SAR1B: variants seen among roughly 807,000 people sequenced by gnomAD.
SAR1B encodes small COPII coat GTPase SAR1B.
Under a neutral mutation model 26.8 loss-of-function variants are expected in SAR1B, and 23 were observed. The ratio of observed to expected loss-of-function variants is 0.86; its 90% CI spans 0.62 to 1.22. SAR1B has a LOEUF of 1.22. SAR1B is among the 50% of genes most tolerant of loss of function. The probability of loss-of-function intolerance (pLI) is 0.00; values close to 1 mark genes in which losing one functional copy is unlikely to be tolerated. For synonymous variants in SAR1B, 65 were observed against 80.8 expected (o/e 0.80, Z 1.05); for missense variants, 196 against 232.8 (o/e 0.84, Z 1.03).
intron 1 of SAR1B, among the ~76,000 whole-genome samples, chr5:134,627,142 C>T (rs539846749): frequency 2.0e-5 from 3 of 152,094 alleles, no homozygotes; most frequent in Admixed American, 1.3e-4. Flanking sequence ...AGCTCCACCT[C>T]CCAGGTTCAC....
At position 134,604,897 on chromosome 5, in the gene SAR1B, G is replaced by A. The variant is rs1168902780; in HGVS notation, c.*2053C>T. 6.6e-6 allele frequency: 1 copy of A among 152,134 alleles called. No individual in the cohort carries two copies. The highest frequency in any genetic ancestry group is 1.5e-5 in the Non-Finnish European group (1 of 68,022). The allele number at this position is 152,134 out of a possible 1,614,324, so 9.4% of individuals were successfully genotyped here. ...AACAAGAGGCAGTTATTTTTAATAA[G>A]GCTTAGTTCTATTTAGTCAGAACTT... On this transcript the variant is annotated 3_prime_UTR_variant, in exon 7 of 7. Transcript: ENST00000402673.
chr5:134,611,786 G>A (rs1340607832), intron 4 of SAR1B, among the ~76,000 whole-genome samples: 1 of 152,088 alleles, frequency 6.6e-6, no homozygotes. Flanking sequence ...GATGGGGATG[G>A]CATGAACAAA....
At position 134,606,122 on chromosome 5, in the gene SAR1B, A is replaced by G. The variant is rs1184565709; in HGVS notation, c.*828T>C. 1 of 152,280 alleles carries G rather than the reference A, an allele frequency of 6.6e-6. No individual in the cohort carries two copies. The highest frequency in any genetic ancestry group is 2.4e-5 in the African/African-American group (1 of 41,448). The allele number at this position is 152,280 out of a possible 1,614,324, so 9.4% of individuals were successfully genotyped here. On this transcript the variant is annotated 3_prime_UTR_variant, in exon 7 of 7. Transcript: ENST00000402673. The stretch of plus-strand genomic sequence containing the variant: ...AAACTGAGAATCAACCTTGTGTACC[A>G]TAAATGTGCTTTTCTTCAGAAGGCC...
chr5:134,621,291 G>A (rs989850222), intron 2 of SAR1B, among the ~76,000 whole-genome samples: 1 of 152,068 alleles, frequency 6.6e-6, no homozygotes, highest in African/African-American at 2.4e-5. Flanking sequence ...CCAACACGGT[G>A]AAACCCCGTC....
intron 4 of SAR1B, among the ~76,000 whole-genome samples, chr5:134,612,304 A>C (rs1445197317): frequency 6.6e-6 from 1 of 152,186 alleles, no homozygotes; most frequent in African/African-American, 2.4e-5. Context: ...CTTTGCTTTT[A>C]AAGTATTTAT....
chr5:134,620,878 A>G, intron 3 of SAR1B, 55 bp downstream of exon 3: 2 of 1,603,510 alleles, frequency 1.2e-6, no homozygotes, highest in Non-Finnish European at 1.7e-6. Flanking sequence ...TGGTTAGTGC[A>G]TATGACTCAG....
chr5:134,630,937 T>G (rs183307059), intron 1 of SAR1B, among the ~76,000 whole-genome samples: 39 of 147,010 alleles, frequency 2.7e-4, no homozygotes, highest in Admixed American at 2.2e-3. Flanking sequence ...GTCTTTTTCT[T>G]TCACCCAGGC....
chr5:134,610,989 G>A (rs1412852308), intron 4 of SAR1B, among the ~76,000 whole-genome samples: 3 of 151,196 alleles, frequency 2.0e-5, no homozygotes, highest in Non-Finnish European at 4.4e-5. Context: ...TCAGCCTCCT[G>A]AGTAGGTAGG....
chr5:134,616,362 G>T (rs1170887439), intron 3 of SAR1B, among the ~76,000 whole-genome samples: 5 of 151,152 alleles, frequency 3.3e-5, no homozygotes, highest in African/African-American at 1.2e-4. Flanking sequence ...GCTTGAACCC[G>T]GGAGGTGGAG....
At chr5:134,628,962 T>A (rs1259423993) in intron 1 of SAR1B, among the ~76,000 whole-genome samples, 1 of 151,764 alleles carries the variant, frequency 6.6e-6, no homozygotes, top group Admixed American at 6.6e-5. Context: ...TACAAAAAAT[T>A]TTTTAAATTA....
At chr5:134,619,244 T>C (rs1287900458) in intron 3 of SAR1B, among the ~76,000 whole-genome samples, 1 of 151,144 alleles carries the variant, frequency 6.6e-6, no homozygotes, top group East Asian at 2.0e-4. Context: ...GGCAGGAGAA[T>C]TGCTTGAACT....
rs868596467 is a variant in SAR1B, at chr5:134,606,870, G to A, written c.*80C>T. 11 of 878,906 alleles carry A rather than the reference G, an allele frequency of 1.3e-5. No individual in the cohort carries two copies. Among genetic ancestry groups the A allele is most frequent in the South Asian group, 5.3e-5 (4 of 76,036 alleles). The allele number at this position is 878,906 out of a possible 1,614,324, so 54.4% of individuals were successfully genotyped here. A position where few individuals can be genotyped will look rare whatever the true frequency, so the allele number is the denominator to read the frequency against. ...GTTTTATAACCAGCAAAAGTCTATT[G>A]AATTCAAGTTATGCATGTTGAGCAA... On this transcript the variant is annotated 3_prime_UTR_variant, in exon 7 of 7. Transcript: ENST00000402673.
At chr5:134,627,675 T>C (rs1372355280) in intron 1 of SAR1B, among the ~76,000 whole-genome samples, 2 of 151,370 alleles carry the variant, frequency 1.3e-5, no homozygotes, top group Admixed American at 6.6e-5. Context: ...AGTGGACGCC[T>C]GTAGTCCCAG....
In SAR1B at chr5:134,605,666, A is replaced by G. The variant is rs1749409896; in HGVS notation, c.*1284T>C. 1 of 150,904 alleles carries G rather than the reference A, an allele frequency of 6.6e-6. No individual in the cohort carries two copies. Among genetic ancestry groups the G allele is most frequent in the Non-Finnish European group, 1.5e-5 (1 of 67,680 alleles). 9.3% of individuals were successfully genotyped at this position (150,904 alleles called of 1,614,324 possible). ...AAACAAAATGAAACAGAGCAAAAAA[A>G]AAAAAAAAAAAAAAGCCCAACAAAC... is the stretch of plus-strand genomic sequence containing the variant. On this transcript the variant is annotated 3_prime_UTR_variant, in exon 7 of 7. Coordinates refer to ENST00000402673, the MANE Select transcript of SAR1B (RefSeq NM_016103.4).
At chr5:134,631,069 ATT>A (rs796866403) in intron 1 of SAR1B, among the ~76,000 whole-genome samples, 6 of 144,654 alleles carry the variant, frequency 4.1e-5, no homozygotes, top group Non-Finnish European at 3.0e-5. Flanking sequence ...CACCCAGCAA[ATT>A]TTTTTTTTTT....
Position 134,606,993 on chromosome 5 carries a change from CCTTGT to C in SAR1B, c.549_553del (p.Gln184LeufsTer13). ...CATCCAGCGGAAGCCTTCTCCGTAACCTTGTCTTTTGAGCACACTACACATGAAAA... is the reference window on the plus strand; with the variant it reads ...CATCCAGCGGAAGCCTTCTCCGTAACCTTTTGAGCACACTACACATGAAAA... On this transcript the variant is annotated frameshift_variant, in exon 7 of 7. Coordinates refer to ENST00000402673, the MANE Select transcript of SAR1B (RefSeq NM_016103.4). LOFTEE classifies it high-confidence loss of function. The C allele has an allele frequency of 6.2e-7, 1 of 1,614,108 alleles. No homozygotes were observed.
At chr5:134,624,876 C>T (rs1045940850) in intron 1 of SAR1B, among the ~76,000 whole-genome samples, 70 of 152,128 alleles carry the variant, frequency 4.6e-4, no homozygotes, top group African/African-American at 1.5e-3. Context: ...GATTCGCCTG[C>T]CTCAGCCTCC....
chr5:134,608,514 C>G lies in SAR1B; in HGVS notation c.349-11G>C. On this transcript the variant is annotated splice_polypyrimidine_tract_variant and intron_variant, in intron 5 of 6. Coordinates refer to ENST00000402673, the MANE Select transcript of SAR1B (RefSeq NM_016103.4). ...ATCTGTCATTAGTGACTGAAAAAAACAAAACAATACAAAACAAGAGTTGAT... is the reference window on the plus strand; with the variant it reads ...ATCTGTCATTAGTGACTGAAAAAAAGAAAACAATACAAAACAAGAGTTGAT... 2.5e-6 allele frequency: 4 copies of G among 1,606,870 alleles called. No individual in the cohort carries two copies. The highest frequency in any genetic ancestry group is 3.4e-6 in the Non-Finnish European group (4 of 1,177,168).
At chr5:134,632,443 C>G in intron 1 of SAR1B, among the ~76,000 whole-genome samples, 1 of 152,100 alleles carries the variant, frequency 6.6e-6, no homozygotes, top group East Asian at 1.9e-4. Context: ...AACTGAGGCC[C>G]AGGGGAAGGA....
Sources: gnomAD v4.1 joint callset for allele counts (sites outside exome capture counted in the v4.1 genomes callset) on GRCh38, gnomAD v4.1.1 for gene constraint, MANE v1.5 for transcripts, NCBI Gene and HGNC (gene_info 2026-07-23, HGNC 2026-07-21) for gene names.